The following ARHGAP15 variants were observed in gnomAD, a reference collection of about 807,000 sequenced individuals.
ARHGAP15 encodes rho GTPase-activating protein 15.
Under a neutral mutation model 63.7 loss-of-function variants are expected in ARHGAP15, and 51 were observed. The ratio of observed to expected loss-of-function variants is 0.80; its 90% confidence interval spans 0.64 to 1.01. The LOEUF (loss-of-function observed/expected upper bound fraction) is 1.01, where lower values mean the gene tolerates loss of function less well. ARHGAP15 is among the 50% of genes least tolerant of loss of function. The probability of loss-of-function intolerance (pLI) is 0.00; values close to 1 mark genes in which losing one functional copy is unlikely to be tolerated. For missense variants in ARHGAP15, 560 were observed against 564.6 expected (o/e 0.99, Z 0.08); for synonymous variants, 191 against 193.8 (o/e 0.99, Z 0.12).
chr2:143,321,489 TC>T (rs1458856282), intron 6 of ARHGAP15, among the ~76,000 whole-genome samples: 1 of 152,212 alleles, frequency 6.6e-6, no homozygotes, highest in Non-Finnish European at 1.5e-5. Context: ...TCTGGTAACT[TC>T]CGGGGGAAAG....
At chr2:143,290,009 T>TA (rs1682309959) in intron 6 of ARHGAP15, among the ~76,000 whole-genome samples, 1 of 152,136 alleles carries the variant, frequency 6.6e-6, no homozygotes, top group South Asian at 2.1e-4. Flanking sequence ...TGCAAAGGCA[T>TA]AAACAATTGA....
At chr2:143,552,028 G>T (rs1695588821) in intron 10 of ARHGAP15, among the ~76,000 whole-genome samples, 1 of 152,188 alleles carries the variant, frequency 6.6e-6, no homozygotes, top group Non-Finnish European at 1.5e-5. Context: ...AGGACAACCT[G>T]AGTGTTCCCG....
chr2:143,650,656 T>A (rs999008269), intron 12 of ARHGAP15, among the ~76,000 whole-genome samples: 4 of 151,856 alleles, frequency 2.6e-5, no homozygotes, highest in African/African-American at 9.7e-5. Context: ...AAATTGAAGG[T>A]TTTTACACAT....
chr2:143,278,127 A>C (rs188579596), intron 6 of ARHGAP15, among the ~76,000 whole-genome samples: 110 of 152,336 alleles, frequency 7.2e-4, no homozygotes, highest in African/African-American at 2.4e-3. Context: ...TTAATTCAAT[A>C]GCTCAGTGAC....
At chr2:143,296,796 T>C (rs533845223) in intron 6 of ARHGAP15, among the ~76,000 whole-genome samples, 4 of 152,034 alleles carry the variant, frequency 2.6e-5, no homozygotes, top group African/African-American at 9.6e-5. Context: ...CAGTACCCAA[T>C]AGTTATTCTT....
At chr2:143,376,867 T>G (rs1686833572) in intron 6 of ARHGAP15, among the ~76,000 whole-genome samples, 1 of 152,096 alleles carries the variant, frequency 6.6e-6, no homozygotes, top group African/African-American at 2.4e-5. Context: ...CTTTTTCCAC[T>G]CCTCAAATGC....
intron 1 of ARHGAP15, among the ~76,000 whole-genome samples, chr2:143,132,109 C>T (rs572840573): frequency 6.6e-6 from 1 of 152,102 alleles, no homozygotes; most frequent in Admixed American, 6.5e-5. Context: ...AGTCATTGAA[C>T]ACTCTGAATT....
intron 1 of ARHGAP15, among the ~76,000 whole-genome samples, chr2:143,145,526 C>G (rs1689546112): frequency 6.6e-6 from 1 of 152,000 alleles, no homozygotes. Flanking sequence ...AGCAAAAAAC[C>G]TCCTAGTTGA....
At chr2:143,542,668 G>A (rs930838189) in intron 10 of ARHGAP15, among the ~76,000 whole-genome samples, 3 of 133,958 alleles carry the variant, frequency 2.2e-5, no homozygotes, top group East Asian at 4.2e-4. Context: ...TTATATATAT[G>A]ATATATATGA....
intron 13 of ARHGAP15, among the ~76,000 whole-genome samples, chr2:143,762,393 T>C (rs1161988721): frequency 6.6e-6 from 1 of 152,152 alleles, no homozygotes; most frequent in Non-Finnish European, 1.5e-5. Context: ...ACAGGTTAAA[T>C]GGTAGCTCAA....
intron 6 of ARHGAP15, among the ~76,000 whole-genome samples, chr2:143,433,660 C>A (rs1434500335): frequency 6.6e-6 from 1 of 152,096 alleles, no homozygotes; most frequent in South Asian, 2.1e-4. Context: ...TACTAGACTG[C>A]AAGCTGAACT....
chr2:143,691,831 T>C (rs1683614314), intron 12 of ARHGAP15, among the ~76,000 whole-genome samples: 1 of 152,228 alleles, frequency 6.6e-6, no homozygotes, highest in Admixed American at 6.5e-5. Flanking sequence ...CATTGCAGAT[T>C]GGCTGTTTTC....
chr2:143,194,848 A>G (rs945757706), intron 2 of ARHGAP15, among the ~76,000 whole-genome samples: 2 of 152,170 alleles, frequency 1.3e-5, no homozygotes, highest in African/African-American at 4.8e-5. Context: ...ACGCAGTTTG[A>G]TTTTCTTTGT....
chr2:143,420,402 T>C (rs1688868197), intron 6 of ARHGAP15, among the ~76,000 whole-genome samples: 1 of 152,166 alleles, frequency 6.6e-6, no homozygotes, highest in South Asian at 2.1e-4. Context: ...GGGGGAATTG[T>C]ATTGTGTATC....
chr2:143,359,018 C>T (rs954085901), intron 6 of ARHGAP15, among the ~76,000 whole-genome samples: 1 of 151,494 alleles, frequency 6.6e-6, no homozygotes, highest in Non-Finnish European at 1.5e-5. Flanking sequence ...AAAATGTCAA[C>T]ATATTCCATT....
At chr2:143,488,208 C>T (rs2105229017) in intron 9 of ARHGAP15, among the ~76,000 whole-genome samples, 1 of 152,262 alleles carries the variant, frequency 6.6e-6, no homozygotes. Flanking sequence ...AATGGGGATA[C>T]TTATATACAT....
At chr2:143,197,197 A>G (rs1383020897) in intron 2 of ARHGAP15, among the ~76,000 whole-genome samples, 2 of 151,962 alleles carry the variant, frequency 1.3e-5, no homozygotes, top group African/African-American at 4.8e-5. Flanking sequence ...TATAACACAA[A>G]CAAACAAGTA....
chr2:143,167,571 GC>G (rs1234539294), intron 2 of ARHGAP15, among the ~76,000 whole-genome samples: 3 of 152,024 alleles, frequency 2.0e-5, no homozygotes, highest in Non-Finnish European at 4.4e-5. Flanking sequence ...CTAACTCTGA[GC>G]CCCCTATCTC....
At chr2:143,677,314 A>C (rs780412881) in intron 12 of ARHGAP15, among the ~76,000 whole-genome samples, 1 of 152,230 alleles carries the variant, frequency 6.6e-6, no homozygotes, top group Non-Finnish European at 1.5e-5. Context: ...GAACCATGGA[A>C]TGTGTATTGT....
Sources: allele counts gnomAD v4.1 joint callset (sites outside exome capture counted in the v4.1 genomes callset), GRCh38; gene constraint gnomAD v4.1.1; transcripts MANE v1.5; gene names NCBI Gene and HGNC (gene_info 2026-07-23, HGNC 2026-07-21).